The following REDIC1 variants were observed in gnomAD, a reference collection of about 807,000 sequenced individuals.
REDIC1 encodes HEI10 Interacting Protein 1.
chr12:39,851,848 C>T, the REDIC1 span, among the ~76,000 whole-genome samples: 2 of 152,120 alleles, frequency 1.3e-5, no homozygotes, highest in East Asian at 1.9e-4. Context: ...TTCCCTGTGT[C>T]AAGAATTTTT....
chr12:39,709,664 A>G, the REDIC1 span, among the ~76,000 whole-genome samples: 6 of 151,854 alleles, frequency 4.0e-5, no homozygotes, highest in South Asian at 1.2e-3. Context: ...GTAGTATGTA[A>G]CAAGATTTCC....
chr12:39,694,537 A>T, the REDIC1 span, among the ~76,000 whole-genome samples: 3 of 152,176 alleles, frequency 2.0e-5, no homozygotes, highest in Non-Finnish European at 4.4e-5. Context: ...CTACCCATGG[A>T]GGGAATATTT....
chr12:39,813,993 G>A, the REDIC1 span, among the ~76,000 whole-genome samples: 2 of 152,232 alleles, frequency 1.3e-5, no homozygotes, highest in Non-Finnish European at 2.9e-5. Flanking sequence ...GAGTGATTTC[G>A]TATATTACTT....
the REDIC1 span, among the ~76,000 whole-genome samples, chr12:39,711,332 C>A: frequency 6.9e-6 from 1 of 145,140 alleles, no homozygotes; most frequent in African/African-American, 2.5e-5. Context: ...ATGTATAGAT[C>A]ACATATATAC....
At chr12:39,885,165 G>A in the REDIC1 span, among the ~76,000 whole-genome samples, 1 of 152,220 alleles carries the variant, frequency 6.6e-6, no homozygotes, top group Admixed American at 6.5e-5. Flanking sequence ...AAAGAACTGA[G>A]TGGGGAAGAA....
the REDIC1 span, among the ~76,000 whole-genome samples, chr12:39,708,101 C>A: frequency 6.6e-6 from 1 of 151,438 alleles, no homozygotes; most frequent in Non-Finnish European, 1.5e-5. Context: ...TATTTGCTAG[C>A]ACAACAGGGT....
the REDIC1 span, among the ~76,000 whole-genome samples, chr12:39,865,796 T>G: frequency 6.6e-6 from 1 of 152,212 alleles, no homozygotes; most frequent in Non-Finnish European, 1.5e-5. Context: ...TAATGCTGCA[T>G]GTTCTCATTT....
At chr12:39,850,689 T>C in the REDIC1 span, among the ~76,000 whole-genome samples, 2 of 152,186 alleles carry the variant, frequency 1.3e-5, no homozygotes, top group Admixed American at 6.5e-5. Flanking sequence ...GTAAAACATA[T>C]ATGAATAAGG....
At chr12:39,630,274 A>G in the REDIC1 span, among the ~76,000 whole-genome samples, 1 of 152,240 alleles carries the variant, frequency 6.6e-6, no homozygotes, top group Non-Finnish European at 1.5e-5. Context: ...GCTATTCAGA[A>G]TCAGATCGGC....
At chr12:39,650,246 C>A in the REDIC1 span, 1 of 1,606,326 alleles carries the variant, frequency 6.2e-7, no homozygotes, top group Non-Finnish European at 8.5e-7. This position sits in a 1 kb window ranked among gnomAD's most constrained non-coding sequence, Gnocchi z 4.3. Flanking sequence ...CAGCGCAGTA[C>A]TGTTAACTGT....
At chr12:39,875,530 T>A in the REDIC1 span, among the ~76,000 whole-genome samples, 320 of 152,298 alleles carry the variant, frequency 2.1e-3, no homozygotes, top group African/African-American at 7.3e-3. Context: ...TGTTTGTATG[T>A]CCTTGGGGGG....
the REDIC1 span, among the ~76,000 whole-genome samples, chr12:39,740,274 C>T: frequency 2.6e-5 from 4 of 152,096 alleles, no homozygotes; most frequent in Non-Finnish European, 5.9e-5. Context: ...GGTGGAACAG[C>T]ATGTAGGAAA....
chr12:39,704,584 A>C, the REDIC1 span, among the ~76,000 whole-genome samples: 5 of 151,710 alleles, frequency 3.3e-5, no homozygotes, highest in East Asian at 9.6e-4. Context: ...ATATACCCAA[A>C]GGACTATAAA....
At chr12:39,838,692 A>C in the REDIC1 span, among the ~76,000 whole-genome samples, 1 of 152,048 alleles carries the variant, frequency 6.6e-6, no homozygotes, top group South Asian at 2.1e-4. Context: ...TCATTCAATC[A>C]ATCGTTTATA....
the REDIC1 span, among the ~76,000 whole-genome samples, chr12:39,895,726 G>A: frequency 7.8e-6 from 1 of 127,694 alleles, no homozygotes; most frequent in Non-Finnish European, 1.7e-5. Flanking sequence ...ATGTATATGC[G>A]TGTATACGTA....
the REDIC1 span, chr12:39,683,281 G>T: frequency 8.9e-7 from 1 of 1,127,284 alleles, no homozygotes. Flanking sequence ...ACCAAAAATA[G>T]AATGGCTTCC....
At chr12:39,738,462 T>A in the REDIC1 span, among the ~76,000 whole-genome samples, 1 of 152,216 alleles carries the variant, frequency 6.6e-6, no homozygotes, top group Non-Finnish European at 1.5e-5. Flanking sequence ...AGGAGACTCA[T>A]CCACACCCGG....
the REDIC1 span, chr12:39,830,243 G>A: frequency 6.2e-7 from 1 of 1,609,876 alleles, no homozygotes; most frequent in Non-Finnish European, 8.5e-7. Context: ...AAAATGAAAA[G>A]AGTTACCGTC....
chr12:39,847,046 T>C, the REDIC1 span, among the ~76,000 whole-genome samples: 148 of 152,182 alleles, frequency 9.7e-4, no homozygotes, highest in Non-Finnish European at 1.8e-3. Context: ...AATGATTCCT[T>C]TTACTTTGCA....
Sources: allele counts gnomAD v4.1 joint callset (sites outside exome capture counted in the v4.1 genomes callset), GRCh38; gene constraint gnomAD v4.1.1; non-coding constraint Gnocchi (gnomAD v3.1); transcripts MANE v1.5; gene names NCBI Gene and HGNC (gene_info 2026-07-23, HGNC 2026-07-21).